CTIF: variants seen among roughly 807,000 people sequenced by gnomAD.
CTIF encodes CBP80/20-dependent translation initiation factor.
CTIF carries 21 observed loss-of-function variants against 66.0 expected under a neutral mutation model. That is an observed-to-expected ratio of 0.32 (90% confidence interval 0.23 to 0.46). The LOEUF (loss-of-function observed/expected upper bound fraction) is 0.46, where lower values mean the gene tolerates loss of function less well. Among genes scored for constraint, CTIF ranks in the 20% least tolerant of loss-of-function variants. CTIF has a pLI of 1.00. For synonymous variants in CTIF, 345 were observed against 326.4 expected (o/e 1.06, Z -0.62); for missense variants, 739 against 812.7 (o/e 0.91, Z 1.10).
At chr18:48,829,259 C>T (rs2146431989) in intron 10 of CTIF, among the ~76,000 whole-genome samples, 1 of 152,290 alleles carries the variant, frequency 6.6e-6, no homozygotes, top group Non-Finnish European at 1.5e-5. Flanking sequence ...AGGATGCCCT[C>T]CTGCTCACAC....
At chr18:48,563,275 G>A (rs1190669228) in intron 1 of CTIF, among the ~76,000 whole-genome samples, 1 of 152,202 alleles carries the variant, frequency 6.6e-6, no homozygotes, top group Non-Finnish European at 1.5e-5. Context: ...AGGCTGGGGT[G>A]ACTCACTTTC....
chr18:48,613,359 T>C (rs903201210), intron 1 of CTIF, among the ~76,000 whole-genome samples: 2 of 152,008 alleles, frequency 1.3e-5, no homozygotes, highest in Admixed American at 1.3e-4. Context: ...CAACCGACCA[T>C]CTCAGGCTGC....
chr18:48,607,536 A>G (rs1476870055), intron 1 of CTIF, among the ~76,000 whole-genome samples: 1 of 152,184 alleles, frequency 6.6e-6, no homozygotes, highest in African/African-American at 2.4e-5. Flanking sequence ...ATCCATCATG[A>G]AACTGTCAAA....
chr18:48,699,239 C>T (rs1187081970), intron 6 of CTIF, among the ~76,000 whole-genome samples: 1 of 152,190 alleles, frequency 6.6e-6, no homozygotes, highest in East Asian at 1.9e-4. Flanking sequence ...GAGTAACATT[C>T]TGCCCTTGAG....
At chr18:48,718,444 G>A (rs908344428) in intron 7 of CTIF, among the ~76,000 whole-genome samples, 1 of 152,178 alleles carries the variant, frequency 6.6e-6, no homozygotes, top group East Asian at 1.9e-4. Context: ...AAAGCCAGTG[G>A]TGTAATCAAC....
chr18:48,697,471 T>G (rs7227652), intron 6 of CTIF, among the ~76,000 whole-genome samples: 34,106 of 152,032 alleles, frequency 0.22, 4,046 homozygotes, highest in Middle Eastern at 0.33. Context: ...CTGACAGAAT[T>G]TTAGGGGTAA....
At chr18:48,579,807 G>T (rs2089613986) in intron 1 of CTIF, among the ~76,000 whole-genome samples, 1 of 152,074 alleles carries the variant, frequency 6.6e-6, no homozygotes, top group Admixed American at 6.5e-5. Context: ...GAGCTGCATG[G>T]GATCAAAAAA....
At chr18:48,675,718 G>C (rs984771220) in intron 6 of CTIF, among the ~76,000 whole-genome samples, 21 of 152,128 alleles carry the variant, frequency 1.4e-4, no homozygotes, top group African/African-American at 5.1e-4. Context: ...GCCCCTCCCT[G>C]GGACCCCTGG....
chr18:48,780,455 G>A (rs1911098186), intron 9 of CTIF, among the ~76,000 whole-genome samples: 1 of 151,334 alleles, frequency 6.6e-6, no homozygotes, highest in African/African-American at 2.4e-5. Flanking sequence ...TCGGTGTCCC[G>A]GTGTTAGTTC....
At chr18:48,552,709 C>T (rs1490779377) in intron 1 of CTIF, among the ~76,000 whole-genome samples, 2 of 152,162 alleles carry the variant, frequency 1.3e-5, no homozygotes, top group Non-Finnish European at 2.9e-5. Flanking sequence ...TGGGGGGATA[C>T]ATTCAGACAG....
At chr18:48,677,250 G>T (rs1409034411) in intron 6 of CTIF, among the ~76,000 whole-genome samples, 1 of 152,164 alleles carries the variant, frequency 6.6e-6, no homozygotes, top group Non-Finnish European at 1.5e-5. Context: ...CTGTGCACCG[G>T]CGACTGTTGC....
At chr18:48,705,315 C>T (rs1345572904) in intron 6 of CTIF, among the ~76,000 whole-genome samples, 1 of 152,190 alleles carries the variant, frequency 6.6e-6, no homozygotes, top group Non-Finnish European at 1.5e-5. Context: ...TTGTGTCTGC[C>T]TCACTCCAAA....
At chr18:48,692,317 AC>A (rs975081850) in intron 6 of CTIF, among the ~76,000 whole-genome samples, 15 of 114,572 alleles carry the variant, frequency 1.3e-4, no homozygotes, top group African/African-American at 5.3e-4. Flanking sequence ...AAAAACAAAA[AC>A]AAAACAAAAA....
Position 48,587,118 on chromosome 18 carries a change from G to T in CTIF, c.-28-32420G>T, listed in dbSNP as rs796420480. ...TTTAATTGAGACGGAGTCTTGCTCT[G>T]TTGCTCAGACTGGAATGCCGTGGCA... On this transcript the variant is annotated intron_variant, in intron 1 of 11. Coordinates refer to ENST00000256413, the MANE Select transcript of CTIF (RefSeq NM_014772.3). Among the ~76,000 whole-genome samples, 45 of 135,560 alleles carry T rather than the reference G, an allele frequency of 3.3e-4. No homozygotes were observed. The East Asian group carries it at 8.0e-3, about 24-fold the overall frequency. 88.9% of individuals were successfully genotyped at this position (135,560 alleles called of 152,430 possible).
chr18:48,698,993 G>A (rs926644636), intron 6 of CTIF, among the ~76,000 whole-genome samples: 3 of 152,244 alleles, frequency 2.0e-5, no homozygotes, highest in South Asian at 2.1e-4. Flanking sequence ...CTTCCTGGAC[G>A]AGGACCCACG....
intron 7 of CTIF, among the ~76,000 whole-genome samples, chr18:48,755,373 C>T (rs1470764751): frequency 6.6e-6 from 1 of 152,176 alleles, no homozygotes; most frequent in African/African-American, 2.4e-5. Context: ...ATGGGGGTTG[C>T]CTTACACTCT....
intron 9 of CTIF, among the ~76,000 whole-genome samples, chr18:48,791,703 G>A (rs2067797701): frequency 6.6e-6 from 1 of 152,186 alleles, no homozygotes; most frequent in Non-Finnish European, 1.5e-5. Context: ...CTTCCTCCAT[G>A]CCTCTCTAGT....
chr18:48,768,423 T>A (rs1165776549), intron 9 of CTIF, among the ~76,000 whole-genome samples: 2 of 152,112 alleles, frequency 1.3e-5, no homozygotes, highest in East Asian at 3.9e-4. Flanking sequence ...GCTTTGAAAC[T>A]CTTCTGAGCA....
rs1441954116 is a variant in CTIF, at chr18:48,800,421, C to G, written c.1372-16800C>G. 4.0e-4 allele frequency among the ~76,000 whole-genome samples: 61 copies of G among 152,208 alleles called. 1 individual carries two copies. The highest frequency in any genetic ancestry group is 3.6e-3 in the Admixed American group (55 of 15,286). On this transcript the variant is annotated intron_variant, in intron 9 of 11. Transcript: ENST00000256413. ...CTAGGGCCAGCCGGAACATCTGCCCCCATCTCCAGCCAGCCCATCACATTC... is the reference window on the plus strand; with the variant it reads ...CTAGGGCCAGCCGGAACATCTGCCCGCATCTCCAGCCAGCCCATCACATTC...
Sources: allele counts gnomAD v4.1 joint callset (sites outside exome capture counted in the v4.1 genomes callset), GRCh38; gene constraint gnomAD v4.1.1; transcripts MANE v1.5; gene names NCBI Gene and HGNC (gene_info 2026-07-23, HGNC 2026-07-21).